The following DHX35 variants were observed in gnomAD, a reference collection of about 807,000 sequenced individuals.
DHX35 encodes probable ATP-dependent RNA helicase DHX35.
In DHX35, 84 loss-of-function variants were observed where a neutral mutation model predicts 99.6. That is an observed-to-expected ratio of 0.84 (90% CI 0.71 to 1.01). The LOEUF (loss-of-function observed/expected upper bound fraction) is 1.01. Ranked by LOEUF, DHX35 falls within the 50% of genes least tolerant of loss-of-function variation. DHX35 has a pLI of 0.00. For synonymous variants in DHX35, 331 were observed against 316.2 expected (o/e 1.05, Z -0.50); for missense variants, 852 against 888.5 (o/e 0.96, Z 0.52).
At chr20:39,005,698 C>T (rs2086604214) in intron 11 of DHX35, among the ~76,000 whole-genome samples, 1 of 152,130 alleles carries the variant, frequency 6.6e-6, no homozygotes, top group African/African-American at 2.4e-5. Flanking sequence ...TATCCTACAT[C>T]CCAGCACCTT....
At chr20:38,991,559 C>A (rs2086338140) in intron 6 of DHX35, 44 bp downstream of exon 6, 1 of 1,564,560 alleles carries the variant, frequency 6.4e-7, no homozygotes, top group Admixed American at 1.7e-5. Context: ...TTTCCAAAGT[C>A]CCCAGGTAGA....
At position 39,018,784 on chromosome 20, in the gene DHX35, T is replaced by C; in HGVS notation, c.1403-20T>C. The C allele has an allele frequency of 6.2e-7, 1 of 1,611,966 alleles. No individual in the cohort carries two copies. Among genetic ancestry groups the C allele is most frequent in the Non-Finnish European group, 8.5e-7 (1 of 1,178,324 alleles). On this transcript the variant is annotated intron_variant, in intron 14 of 21. Transcript: ENST00000252011. ...ACAATGGTACCTGCCTTCTGATTTC[T>C]TTTGTTGTTCTTATGGCAGGTCTGG... is the stretch of plus-strand genomic sequence containing the variant.
chr20:39,023,771 A>G lies in DHX35; in HGVS notation c.1671+4A>G, dbSNP rs751142956. On this transcript the variant is annotated splice_donor_region_variant and intron_variant, in intron 17 of 21. Transcript: ENST00000252011. ...TATATATGAAGCATTTATCAAAGTAAGCACAACTACTGCTCGAAGTGCCGC... is the reference window on the plus strand; with the variant it reads ...TATATATGAAGCATTTATCAAAGTAGGCACAACTACTGCTCGAAGTGCCGC... 2 of 1,613,422 alleles carry G rather than the reference A, an allele frequency of 1.2e-6. No individual in the cohort carries two copies. The highest frequency in any genetic ancestry group is 1.7e-6 in the Non-Finnish European group (2 of 1,179,408).
intron 8 of DHX35, among the ~76,000 whole-genome samples, chr20:39,000,023 C>T (rs1239845444): frequency 6.6e-6 from 1 of 152,204 alleles, no homozygotes; most frequent in Non-Finnish European, 1.5e-5. Flanking sequence ...GTCCATTTTG[C>T]AGATGAGAGA....
At chr20:39,014,988 T>G in intron 14 of DHX35, 54 bp downstream of exon 14, 1 of 1,600,212 alleles carries the variant, frequency 6.2e-7, no homozygotes, top group South Asian at 1.1e-5. Context: ...TTTTGTGATA[T>G]TAGTGAGGTC....
chr20:38,983,618 A>G (rs1202122504), intron 3 of DHX35, 81 bp from the exon 4 acceptor site: 1 of 1,156,294 alleles, frequency 8.6e-7, no homozygotes, highest in East Asian at 2.5e-5. Flanking sequence ...AGTGATTTTA[A>G]CACAATACGG....
At position 38,983,736 on chromosome 20, in the gene DHX35, T is replaced by A; in HGVS notation, c.305T>A (p.Val102Glu). 2 of 1,613,812 alleles carry A rather than the reference T, an allele frequency of 1.2e-6. No individual in the cohort carries two copies. The highest frequency in any genetic ancestry group is 1.7e-6 in the Non-Finnish European group (2 of 1,179,908). The change falls in exon 4 of 22, where the codon GTG (valine) becomes GAG (glutamate). Residue 102 changes from valine to glutamate, a missense_variant. Val to Glu is a moderately radical substitution (Grantham distance 121). Coordinates refer to ENST00000252011, the MANE Select transcript of DHX35 (RefSeq NM_021931.4). ...GCCGGCTGGACAGCTGAAGGAAGAG[T>A]GGTAGGAGTGACCCAGCCTCGAAGA... ...AEAGWTAEGR[V>E]VGVTQPRRVA...
At chr20:39,008,519 G>A (rs1444133492) in intron 12 of DHX35, among the ~76,000 whole-genome samples, 1 of 152,204 alleles carries the variant, frequency 6.6e-6, no homozygotes, top group Non-Finnish European at 1.5e-5. Context: ...AAAAGTCACT[G>A]AATCCCTTTG....
chr20:38,995,084 A>G (rs2086407300), intron 8 of DHX35, among the ~76,000 whole-genome samples: 1 of 152,182 alleles, frequency 6.6e-6, no homozygotes, highest in South Asian at 2.1e-4. Context: ...TGAGCTCATA[A>G]TTACCTACCT....
At position 39,003,887 on chromosome 20, in the gene DHX35, G is replaced by A; in HGVS notation, c.991G>A (p.Val331Met). The A allele has an allele frequency of 6.2e-7, 1 of 1,614,130 alleles. No individual in the cohort carries two copies. Among genetic ancestry groups the A allele is most frequent in the Non-Finnish European group, 8.5e-7 (1 of 1,180,004 alleles). The change falls in exon 11 of 22, where the codon GTG becomes ATG. Residue 331 changes from valine (V) to methionine (M), a missense_variant. Transcript: ENST00000252011. ...TGAGCAAATGAAAGTGTTTGAAAGG[G>A]TGTCACGCAGTGTCAGAAAGGTGAG... ...SFEQMKVFER[V>M]SRSVRKVIVA...
At chr20:39,009,397 T>G (rs2086665147) in intron 12 of DHX35, among the ~76,000 whole-genome samples, 2 of 152,110 alleles carry the variant, frequency 1.3e-5, no homozygotes, top group South Asian at 4.2e-4. Context: ...ATAGTGGTAT[T>G]TCTTCATGGC....
chr20:39,018,761 A>G (rs1473496389), intron 14 of DHX35, 43 bp from the exon 15 acceptor site: 10 of 1,586,988 alleles, frequency 6.3e-6, no homozygotes, highest in South Asian at 1.1e-5. Context: ...CTTCCAACAC[A>G]ATGGTACCTG....
chr20:39,022,834 T>C (rs2086895381), intron 16 of DHX35, among the ~76,000 whole-genome samples: 1 of 152,188 alleles, frequency 6.6e-6, no homozygotes, highest in African/African-American at 2.4e-5. Context: ...ACTGAAGAGA[T>C]AGATACTCAG....
At chr20:39,025,133 C>T (rs2086933938) in intron 17 of DHX35, 97 bp from the exon 18 acceptor site, 5 of 1,374,376 alleles carry the variant, frequency 3.6e-6, no homozygotes, top group South Asian at 1.6e-5. Context: ...TGCCGTTGAA[C>T]AGCACATGGG....
At chr20:38,988,014 G>T (rs771203459) in intron 4 of DHX35, among the ~76,000 whole-genome samples, 2 of 152,130 alleles carry the variant, frequency 1.3e-5, no homozygotes, top group Non-Finnish European at 1.5e-5. Flanking sequence ...TCATGGTCCC[G>T]GGGGATGGGT....
rs35061094 is a variant in DHX35 at position 38,992,444 on chromosome 20, CT to C, written c.582+23del. On this transcript the variant is annotated intron_variant, in intron 7 of 21. Coordinates refer to ENST00000252011, the MANE Select transcript of DHX35 (RefSeq NM_021931.4). ...AAAAAAGGTATGACTTCACTGCCAG[CT>C]TTTCATTGTGTGTGTTTATTTTATT... is the stretch of plus-strand genomic sequence containing the variant. 6.2e-7 allele frequency: 1 copy of C among 1,612,394 alleles called. No individual in the cohort carries two copies. The highest frequency in any genetic ancestry group is 1.1e-5 in the South Asian group (1 of 91,020).
intron 21 of DHX35, among the ~76,000 whole-genome samples, chr20:39,035,790 T>G (rs1458105689): frequency 6.6e-6 from 1 of 152,172 alleles, no homozygotes; most frequent in Admixed American, 6.5e-5. Flanking sequence ...TCTCCTCATC[T>G]CTCCTGCTCC....
At chr20:38,998,524 T>A (rs1275306421) in intron 8 of DHX35, among the ~76,000 whole-genome samples, 1 of 152,176 alleles carries the variant, frequency 6.6e-6, no homozygotes, top group Non-Finnish European at 1.5e-5. Flanking sequence ...TCATTTACAT[T>A]CCATTTCATA....
intron 14 of DHX35, among the ~76,000 whole-genome samples, chr20:39,018,266 C>T (rs952815201): frequency 5.9e-5 from 9 of 151,988 alleles, no homozygotes; most frequent in Non-Finnish European, 8.8e-5. Flanking sequence ...GTGGCCTGTC[C>T]GGTCCTGGAG....
Sources: gnomAD v4.1 joint callset for allele counts (sites outside exome capture counted in the v4.1 genomes callset) on GRCh38, gnomAD v4.1.1 for gene constraint, MANE v1.5 for transcripts, NCBI Gene and HGNC (gene_info 2026-07-23, HGNC 2026-07-21) for gene names.